The following PPP1R3A variants were observed in gnomAD, a reference collection of about 807,000 sequenced individuals.
PPP1R3A encodes protein phosphatase 1 regulatory subunit 3A.
Under a neutral mutation model 41.7 loss-of-function variants are expected in PPP1R3A, and 29 were observed. That is an observed-to-expected ratio of 0.70 (90% CI 0.52 to 0.95). The LOEUF (loss-of-function observed/expected upper bound fraction) is 0.95. Among genes scored for constraint, PPP1R3A ranks in the 40% least tolerant of loss-of-function variants. The pLI is 0.00. For synonymous variants in PPP1R3A, 485 were observed against 453.4 expected (o/e 1.07, Z -0.89); for missense variants, 1,352 against 1,292.4 (o/e 1.05, Z -0.71).
At chr7:113,892,015 T>C (rs35919809) in intron 1 of PPP1R3A, among the ~76,000 whole-genome samples, 2 of 152,032 alleles carry the variant, frequency 1.3e-5, no homozygotes, top group African/African-American at 2.4e-5. Context: ...ATGAATATTG[T>C]ATTTGTGTCT....
chr7:113,891,102 A>C lies in PPP1R3A; in HGVS notation c.783-8782T>G, dbSNP rs865841664. ...AAAAAAGCAAAAAAAAAAAAAAAAA[A>C]AAAAAAAAAAAACCCTGCATGCAAA... On this transcript the variant is annotated intron_variant, in intron 1 of 3. Transcript: ENST00000284601. Among the ~76,000 whole-genome samples, 1,015 of 141,314 alleles carry C rather than the reference A, an allele frequency of 7.2e-3. 14 individuals are homozygous for C. The highest frequency in any genetic ancestry group is 0.014 in the Middle Eastern group (4 of 278). 92.7% of individuals were successfully genotyped at this position (141,314 alleles called of 152,430 possible).
In PPP1R3A at chr7:113,895,804, G is replaced by A. The variant is rs1418565112; in HGVS notation, c.783-13484C>T. ...ACTGGATTTGTATTTAACAGCATTT[G>A]AAAAGTTTTCTACGCAGATTCAGTA... On this transcript the variant is annotated intron_variant, in intron 1 of 3. Coordinates refer to ENST00000284601, the MANE Select transcript of PPP1R3A (RefSeq NM_002711.4). Among the ~76,000 whole-genome samples the A allele has an allele frequency of 2.6e-5, 4 of 152,006 alleles. No individual in the cohort carries two copies. In the South Asian group the frequency reaches 8.3e-4, roughly 32 times the overall value.
At chr7:113,880,485 C>A (rs917901244) in intron 3 of PPP1R3A, among the ~76,000 whole-genome samples, 1 of 152,028 alleles carries the variant, frequency 6.6e-6, no homozygotes, top group Non-Finnish European at 1.5e-5. Context: ...CCTGGGTGCC[C>A]CTTGCTGCAT....
In PPP1R3A at chr7:113,879,356, G is replaced by T. The variant is rs1422000606; in HGVS notation, c.1736C>A (p.Ala579Glu). ...TGTCCTTGGTGAATGAGACACATCT[G>T]CTGTGATTGCCCGGGTGGGGATTGC... ...HTAIPTRAIT[A>E]DVSHSPRTNL... The change falls in exon 4 of 4, where the codon GCA (alanine) becomes GAA (glutamate). Residue 579 changes from alanine (A) to glutamate (E), a missense_variant. Coordinates refer to ENST00000284601, the MANE Select transcript of PPP1R3A (RefSeq NM_002711.4). The T allele has an allele frequency of 6.2e-7, 1 of 1,613,618 alleles. No individual in the cohort carries two copies. The highest frequency in any genetic ancestry group is 8.5e-7 in the Non-Finnish European group (1 of 1,179,734).
At chr7:113,914,519 T>C (rs989223663) in intron 1 of PPP1R3A, among the ~76,000 whole-genome samples, 3 of 152,150 alleles carry the variant, frequency 2.0e-5, no homozygotes, top group African/African-American at 7.2e-5. Context: ...TCCTTGTTGA[T>C]TAAAATCTTG....
intron 1 of PPP1R3A, among the ~76,000 whole-genome samples, chr7:113,895,704 A>T (rs912973824): frequency 2.0e-5 from 3 of 152,108 alleles, no homozygotes; most frequent in African/African-American, 4.8e-5. Flanking sequence ...CCATAAATTA[A>T]TGTATCAGGG....
At chr7:113,912,942 A>G (rs1160642681) in intron 1 of PPP1R3A, among the ~76,000 whole-genome samples, 1 of 152,076 alleles carries the variant, frequency 6.6e-6, no homozygotes, top group Non-Finnish European at 1.5e-5. Flanking sequence ...AAATCACTCT[A>G]GGGAAAGTCT....
intron 1 of PPP1R3A, among the ~76,000 whole-genome samples, chr7:113,893,097 T>TCC (rs1796920578): frequency 6.6e-6 from 1 of 151,974 alleles, no homozygotes; most frequent in African/African-American, 2.4e-5. Context: ...ACCTTTCTTT[T>TCC]ACACAGCCAG....
At chr7:113,890,269 A>G (rs1190301289) in intron 1 of PPP1R3A, among the ~76,000 whole-genome samples, 1 of 152,150 alleles carries the variant, frequency 6.6e-6, no homozygotes, top group East Asian at 1.9e-4. Flanking sequence ...CCTGGTACAA[A>G]TGCTATTCAG....
intron 1 of PPP1R3A, among the ~76,000 whole-genome samples, chr7:113,899,376 T>C (rs1797027726): frequency 6.6e-6 from 1 of 151,812 alleles, no homozygotes. Flanking sequence ...CCCAAAGAAA[T>C]GTTTCCTTTT....
chr7:113,906,637 T>G (rs140682045), intron 1 of PPP1R3A, among the ~76,000 whole-genome samples: 2 of 151,956 alleles, frequency 1.3e-5, no homozygotes, highest in East Asian at 3.9e-4. Flanking sequence ...CATTCATCAT[T>G]TGAACTACAA....
At position 113,877,523 on chromosome 7, in the gene PPP1R3A, G is replaced by C; in HGVS notation, c.*200C>G. The C allele has an allele frequency of 6.0e-6, 3 of 495,904 alleles. No individual in the cohort carries two copies. Among genetic ancestry groups the C allele is most frequent in the Non-Finnish European group, 6.8e-6 (2 of 293,540 alleles). 30.7% of individuals were successfully genotyped at this position (495,904 alleles called of 1,614,324 possible). ...GTGCTTCAGATCTCATATTCATATA[G>C]GTATTTAATGATCCAAACATAATGG... On this transcript the variant is annotated 3_prime_UTR_variant, in exon 4 of 4. Transcript: ENST00000284601.
intron 1 of PPP1R3A, among the ~76,000 whole-genome samples, chr7:113,912,771 T>C (rs1258180916): frequency 6.6e-6 from 1 of 152,044 alleles, no homozygotes; most frequent in Non-Finnish European, 1.5e-5. Context: ...GCTTTATTTT[T>C]ACAGGCTGCA....
intron 1 of PPP1R3A, among the ~76,000 whole-genome samples, chr7:113,908,309 G>A (rs1797179438): frequency 1.3e-5 from 2 of 151,858 alleles, no homozygotes; most frequent in African/African-American, 4.8e-5. Flanking sequence ...AAAGAGATCA[G>A]GTTAAGTGAA....
At chr7:113,896,302 T>A (rs1796974126) in intron 1 of PPP1R3A, among the ~76,000 whole-genome samples, 1 of 151,884 alleles carries the variant, frequency 6.6e-6, no homozygotes, top group Non-Finnish European at 1.5e-5. Flanking sequence ...CCTATACTGT[T>A]ATGGAATCTA....
intron 1 of PPP1R3A, among the ~76,000 whole-genome samples, chr7:113,915,640 TTC>T (rs1584422879): frequency 6.7e-6 from 1 of 150,086 alleles, no homozygotes; most frequent in African/African-American, 2.4e-5. Context: ...CATATATATA[TTC>T]TGTTTTTACC....
chr7:113,880,765 T>C (rs974157271), intron 3 of PPP1R3A, among the ~76,000 whole-genome samples: 3 of 151,814 alleles, frequency 2.0e-5, no homozygotes, highest in African/African-American at 7.3e-5. Flanking sequence ...TCAATAATTA[T>C]ATGCAAATCT....
At position 113,878,559 on chromosome 7, in the gene PPP1R3A, C is replaced by G. The variant is rs140172475; in HGVS notation, c.2533G>C (p.Val845Leu). The change falls in exon 4 of 4, where the codon GTG (valine) becomes CTG (leucine). Residue 845 changes from valine to leucine, a missense_variant. Transcript: ENST00000284601. ...EKCGTGNITS[V>L]EESSWVITEY... is the part of the protein sequence containing the mutation. ...GTAATGACCCATGAGGATTCTTCCA[C>G]AGATGTTATATTTCCAGTGCCACAT... 5 of 1,613,508 alleles carry G rather than the reference C, an allele frequency of 3.1e-6. No homozygotes were observed. In the East Asian group the frequency reaches 1.1e-4, roughly 36 times the overall value.
chr7:113,918,757 A>C lies in PPP1R3A; in HGVS notation c.240T>G (p.Phe80Leu). ...FGFNLVSVKE[F>L]DCWELPSAST... ...AAGCACTCGGTAATTCCCAGCAATC[A>C]AATTCTTTAACAGACACAAGATTGA... Residue 80 changes from phenylalanine (F) to leucine (L), a missense_variant, in exon 1 of 4, where the codon TTT becomes TTG. Transcript: ENST00000284601. The C allele has an allele frequency of 6.2e-7, 1 of 1,613,958 alleles. No homozygotes were observed. The highest frequency in any genetic ancestry group is 8.5e-7 in the Non-Finnish European group (1 of 1,179,888).
Sources: gnomAD v4.1 joint callset for allele counts (sites outside exome capture counted in the v4.1 genomes callset) on GRCh38, gnomAD v4.1.1 for gene constraint, MANE v1.5 for transcripts, NCBI Gene and HGNC (gene_info 2026-07-23, HGNC 2026-07-21) for gene names.